The following MDFIC2 variants were observed in gnomAD, a reference collection of about 807,000 sequenced individuals.
The protein encoded by MDFIC2 is MyoD family inhibitor domain containing 2, also known as myoD family inhibitor domain-containing protein 2.
At chr3:70,278,421 C>T (rs1702049170) in intron 2 of MDFIC2, among the ~76,000 whole-genome samples, 1 of 151,936 alleles carries the variant, frequency 6.6e-6, no homozygotes, top group Non-Finnish European at 1.5e-5. Context: ...GGGAGGAAGC[C>T]CAGAAGTAGA....
chr3:70,237,760 A>G (rs991517402), intron 2 of MDFIC2, among the ~76,000 whole-genome samples: 2 of 152,184 alleles, frequency 1.3e-5, no homozygotes, highest in African/African-American at 4.8e-5. Context: ...AATAATGTGC[A>G]TGTGTTATGA....
intron 2 of MDFIC2, among the ~76,000 whole-genome samples, chr3:70,269,932 C>A (rs1170253806): frequency 6.6e-6 from 1 of 151,962 alleles, no homozygotes; most frequent in Non-Finnish European, 1.5e-5. Flanking sequence ...AATAAATATT[C>A]ATCTCAAGAA....
intron 2 of MDFIC2, among the ~76,000 whole-genome samples, chr3:70,238,439 C>G (rs1410268339): frequency 6.6e-6 from 1 of 151,904 alleles, no homozygotes; most frequent in African/African-American, 2.4e-5. Flanking sequence ...GAAATCCCAT[C>G]TCTACAAAAT....
At chr3:70,223,058 A>G (rs1701474528) in intron 2 of MDFIC2, among the ~76,000 whole-genome samples, 2 of 152,148 alleles carry the variant, frequency 1.3e-5, no homozygotes, top group Non-Finnish European at 2.9e-5. Flanking sequence ...CAGATACATT[A>G]TATTAAACAA....
At chr3:70,278,601 GC>G (rs1343538009) in intron 2 of MDFIC2, among the ~76,000 whole-genome samples, 4 of 152,244 alleles carry the variant, frequency 2.6e-5, no homozygotes, top group Admixed American at 2.6e-4. Context: ...AGATTTGAAT[GC>G]CTTTATTGAC....
At chr3:70,218,545 A>C (rs1276586983) in intron 2 of MDFIC2, among the ~76,000 whole-genome samples, 1 of 152,130 alleles carries the variant, frequency 6.6e-6, no homozygotes, top group African/African-American at 2.4e-5. Flanking sequence ...GAACGTTTAC[A>C]GCCACAGCAG....
At position 70,232,501 on chromosome 3, in the gene MDFIC2, G is replaced by A. The variant is rs192611742; in HGVS notation, c.89-25711C>T. Reference sequence around the variant, plus strand: ...TGCAACCTCCGACTCCCGGGTTCAAGTGATTCTCCTGCCTCAGTCTCCTGA... The same window carrying A: ...TGCAACCTCCGACTCCCGGGTTCAAATGATTCTCCTGCCTCAGTCTCCTGA... On this transcript the variant is annotated intron_variant, in intron 2 of 3. Transcript: ENST00000567252. Among the ~76,000 whole-genome samples, 885 of 151,942 alleles carry A rather than the reference G, an allele frequency of 5.8e-3. 4 individuals carry two copies. Among genetic ancestry groups the A allele is most frequent in the African/African-American group, 0.019 (787 of 41,426 alleles).
intron 2 of MDFIC2, among the ~76,000 whole-genome samples, chr3:70,309,240 T>C (rs1263156326): frequency 2.6e-5 from 4 of 152,102 alleles, no homozygotes; most frequent in African/African-American, 7.2e-5. Flanking sequence ...TTGAGCAAGA[T>C]GTAAAGTCTT....
chr3:70,286,887 T>C (rs144113115), intron 2 of MDFIC2, among the ~76,000 whole-genome samples: 1 of 151,936 alleles, frequency 6.6e-6, no homozygotes, highest in Non-Finnish European at 1.5e-5. Context: ...AGAATGCTTG[T>C]GATTTTTGTA....
chr3:70,294,746 TC>T (rs895803138), intron 2 of MDFIC2, among the ~76,000 whole-genome samples: 20 of 152,166 alleles, frequency 1.3e-4, no homozygotes, highest in African/African-American at 4.8e-4. Context: ...CTTTTAAGAA[TC>T]CAGATTTTTT....
rs535719878 is a variant in MDFIC2 at position 70,251,639 on chromosome 3, T to C, written c.89-44849A>G. On this transcript the variant is annotated intron_variant, in intron 2 of 3. Coordinates refer to ENST00000567252, the MANE Select transcript of MDFIC2 (RefSeq NM_001364677.1). ...ACAGCAATATACCTGCAAATTTAGG[T>C]TCTGCTTTTGCATTGAGAATATTAT... Among the ~76,000 whole-genome samples, 6 of 152,326 alleles carry C rather than the reference T, an allele frequency of 3.9e-5. 2 individuals are homozygous for C. The South Asian group carries it at 1.2e-3, about 32-fold the overall frequency.
chr3:70,245,638 A>C (rs1701699178), intron 2 of MDFIC2, among the ~76,000 whole-genome samples: 1 of 143,462 alleles, frequency 7.0e-6, no homozygotes, highest in Non-Finnish European at 1.5e-5. Flanking sequence ...AAATCAGAAT[A>C]TGGATTCTTG....
At chr3:70,245,196 T>G (rs1701695430) in intron 2 of MDFIC2, among the ~76,000 whole-genome samples, 1 of 152,168 alleles carries the variant, frequency 6.6e-6, no homozygotes, top group Admixed American at 6.6e-5. Flanking sequence ...TCTCTTGGCG[T>G]TAAGTCTGCA....
intron 2 of MDFIC2, among the ~76,000 whole-genome samples, chr3:70,301,203 C>T (rs1256017903): frequency 1.3e-5 from 2 of 152,010 alleles, no homozygotes; most frequent in African/African-American, 2.4e-5. Flanking sequence ...TTTCAAGTGA[C>T]TCTTTAGCAT....
chr3:70,265,929 C>T (rs1701913061), intron 2 of MDFIC2, among the ~76,000 whole-genome samples: 1 of 152,154 alleles, frequency 6.6e-6, no homozygotes. Flanking sequence ...ATCCATGATC[C>T]AGTTACCTCC....
chr3:70,303,533 G>A (rs569922921), intron 2 of MDFIC2, among the ~76,000 whole-genome samples: 1 of 152,240 alleles, frequency 6.6e-6, no homozygotes, highest in South Asian at 2.1e-4. Flanking sequence ...CTTCTAGATT[G>A]TGAGCTACTC....
intron 1 of MDFIC2, among the ~76,000 whole-genome samples, 194 bp downstream of exon 1, chr3:70,312,357 A>T (rs539867705): frequency 6.6e-6 from 1 of 152,226 alleles, no homozygotes; most frequent in Non-Finnish European, 1.5e-5. Context: ...AAAGAGACAA[A>T]TAACAATAAA....
chr3:70,271,622 T>G (rs1162152848), intron 2 of MDFIC2, among the ~76,000 whole-genome samples: 1 of 152,170 alleles, frequency 6.6e-6, no homozygotes, highest in African/African-American at 2.4e-5. Context: ...GCCAAAACAA[T>G]AGACCCAGCT....
At chr3:70,228,554 G>A (rs1701529758) in intron 2 of MDFIC2, among the ~76,000 whole-genome samples, 1 of 150,866 alleles carries the variant, frequency 6.6e-6, no homozygotes, top group Admixed American at 6.6e-5. Flanking sequence ...GTTTTCTAAT[G>A]TCTAGATTAA....
Sources: gnomAD v4.1 joint callset for allele counts (sites outside exome capture counted in the v4.1 genomes callset) on GRCh38, gnomAD v4.1.1 for gene constraint, MANE v1.5 for transcripts, NCBI Gene and HGNC (gene_info 2026-07-23, HGNC 2026-07-21) for gene names.